The following ZNF707 variants were observed in gnomAD, a reference collection of about 807,000 sequenced individuals.
ZNF707 encodes zinc finger protein 707.
ZNF707 carries 8 observed loss-of-function variants against 13.3 expected under a neutral mutation model. That is an observed-to-expected ratio of 0.60 (90% CI 0.35 to 1.09). The LOEUF (loss-of-function observed/expected upper bound fraction) is 1.09, where lower values mean the gene tolerates loss of function less well. Among genes scored for constraint, ZNF707 ranks in the 50% least tolerant of loss-of-function variants. The pLI is 0.02. For synonymous variants in ZNF707, 225 were observed against 205.6 expected (o/e 1.09, Z -0.81); for missense variants, 530 against 512.6 (o/e 1.03, Z -0.33).
At chr8:143,692,010 T>C in intron 5 of ZNF707, 1 of 1,442,418 alleles carries the variant, frequency 6.9e-7, no homozygotes, top group Non-Finnish European at 9.2e-7. Flanking sequence ...GCCACCCAGG[T>C]GCTGTCCGGC....
chr8:143,694,067 AC>A lies in ZNF707; in HGVS notation c.655del (p.Leu219CysfsTer25). ...ECGQTFRWAS[N>X]LQRHQKNHTR... ...GGCCAGACCTTCCGGTGGGCTTCAA[AC>A]CTGCAGCGCCACCAGAAGAACCACA... On this transcript the variant is annotated frameshift_variant, in exon 6 of 6. Coordinates refer to ENST00000358656, the MANE Select transcript of ZNF707 (RefSeq NM_001100598.2). LOFTEE classifies it low-confidence loss of function (END_TRUNC). The surrounding 1 kb of genome is among the most constrained non-coding windows in gnomAD (Gnocchi z 4.4). 1 of 1,607,308 alleles carries A rather than the reference AC, an allele frequency of 6.2e-7. No homozygotes were observed. The highest frequency in any genetic ancestry group is 8.5e-7 in the Non-Finnish European group (1 of 1,177,920).
At chr8:143,685,164 C>T (rs1352711769) in intron 1 of ZNF707, 1 of 152,584 alleles carries the variant, frequency 6.6e-6, no homozygotes, top group African/African-American at 2.4e-5. Context: ...GAACGCCTCC[C>T]TGTCTTCTCC....
Position 143,693,582 on chromosome 8 carries a change from A to T in ZNF707, c.257-89A>T. 1 of 1,418,290 alleles carries T rather than the reference A, an allele frequency of 7.1e-7. No homozygotes were observed. Among genetic ancestry groups the T allele is most frequent in the Non-Finnish European group, 9.3e-7 (1 of 1,076,956 alleles). The allele number at this position is 1,418,290 out of a possible 1,614,324, so 87.9% of individuals were successfully genotyped here. ...AGTGCTGGGATTACAGGCGTGAGCC[A>T]CCGCGCCCGGCCTCCTCTGGGCTTT... is the stretch of plus-strand genomic sequence containing the variant. On this transcript the variant is annotated intron_variant, in intron 5 of 5. Coordinates refer to ENST00000358656, the MANE Select transcript of ZNF707 (RefSeq NM_001100598.2). This position sits in a 1 kb window ranked among gnomAD's most constrained non-coding sequence, Gnocchi z 4.1.
chr8:143,690,205 T>C lies in ZNF707; in HGVS notation c.15+82T>C, dbSNP rs1816678176. The C allele has an allele frequency of 1.5e-5, 23 of 1,551,558 alleles. No homozygotes were observed. The South Asian group carries it at 2.3e-4, about 15-fold the overall frequency. On this transcript the variant is annotated intron_variant, in intron 3 of 5. Transcript: ENST00000358656. ...CCCCAGCACACACGCGGGGAGGGTC[T>C]GTGGCAGTGGCTTCCCAGGCACTGT... is the stretch of plus-strand genomic sequence containing the variant.
intron 1 of ZNF707, among the ~76,000 whole-genome samples, chr8:143,685,595 T>C (rs1343286558): frequency 2.0e-5 from 3 of 149,412 alleles, no homozygotes; most frequent in Admixed American, 6.7e-5. Context: ...ACCCCAGCAC[T>C]TGGGGAGGCT....
chr8:143,691,467 C>A, intron 4 of ZNF707, 133 bp from the exon 5 acceptor site: 2 of 1,103,462 alleles, frequency 1.8e-6, no homozygotes, highest in Admixed American at 2.7e-5. Flanking sequence ...GTCATCTCTG[C>A]TTTGGGGTGG....
chr8:143,691,817 G>C, intron 5 of ZNF707, 104 bp downstream of exon 5: 1 of 1,088,664 alleles, frequency 9.2e-7, no homozygotes, highest in Non-Finnish European at 1.3e-6. Flanking sequence ...TCCTTCCCAT[G>C]GGAGAGCAGA....
Position 143,690,085 on chromosome 8 carries a change from C to G in ZNF707, c.-24C>G. 1 of 1,609,216 alleles carries G rather than the reference C, an allele frequency of 6.2e-7. No homozygotes were observed. Among genetic ancestry groups the G allele is most frequent in the Non-Finnish European group, 8.5e-7 (1 of 1,179,774 alleles). On this transcript the variant is annotated 5_prime_UTR_variant, in exon 3 of 6. Transcript: ENST00000358656. ...TGCCCTCCTTGGCACTGTGCTTCCCCAGAGGGGTGGCCTCGCTGTTCCCAT... is the reference window on the plus strand; with the variant it reads ...TGCCCTCCTTGGCACTGTGCTTCCCGAGAGGGGTGGCCTCGCTGTTCCCAT...
At position 143,691,207 on chromosome 8, in the gene ZNF707, C is replaced by T. The variant is rs552086070; in HGVS notation, c.142+8C>T. ...GCAGTGTGGCTGCTCTGGGTGAGCA[C>T]GGGCTGAGCGCAGCGTGAGCACAGG... On this transcript the variant is annotated splice_region_variant and intron_variant, in intron 4 of 5. Coordinates refer to ENST00000358656, the MANE Select transcript of ZNF707 (RefSeq NM_001100598.2). 3.4e-5 allele frequency: 54 copies of T among 1,607,922 alleles called. No homozygotes were observed. The East Asian group carries it at 5.1e-4, about 15-fold the overall frequency.
Position 143,694,795 on chromosome 8 carries a change from G to C in ZNF707, c.*265G>C. ...GCGCCGGGCATCCTGGGGATGTGCT[G>C]AGAGTGTGCGCGACCCCGGAGCCAC... On this transcript the variant is annotated 3_prime_UTR_variant, in exon 6 of 6. Transcript: ENST00000358656. This position sits in a 1 kb window ranked among gnomAD's most constrained non-coding sequence, Gnocchi z 4.4. The C allele has an allele frequency of 4.4e-6, 2 of 455,758 alleles. 1 individual carries two copies. The highest frequency in any genetic ancestry group is 8.8e-5 in the South Asian group (2 of 22,616). 28.2% of individuals were successfully genotyped at this position (455,758 alleles called of 1,614,324 possible). A position where few individuals can be genotyped will look rare whatever the true frequency, so the allele number is the denominator to read the frequency against.
In ZNF707 at chr8:143,691,612, C is replaced by G; in HGVS notation, c.155C>G (p.Pro52Arg). ...CTCCTTTGAGAAGGATTTTGCAGCC[C>G]CAGACCAGACCTCGTCTCTCGCCTG... ...SSVAALGFCS[P>R]RPDLVSRLEQ... is the part of the protein sequence containing the mutation. The change falls in exon 5 of 6, where the codon CCC (proline) becomes CGC (arginine). Residue 52 changes from proline (P) to arginine (R), a missense_variant. Transcript: ENST00000358656. 6.2e-7 allele frequency: 1 copy of G among 1,607,602 alleles called. No individual in the cohort carries two copies. Among genetic ancestry groups the G allele is most frequent in the South Asian group, 1.1e-5 (1 of 89,258 alleles).
chr8:143,690,867 C>T, intron 3 of ZNF707: 1 of 672,664 alleles, frequency 1.5e-6, no homozygotes, highest in Non-Finnish European at 2.4e-6. Flanking sequence ...CCCCTCCCTT[C>T]TGACCTCACT....
rs782599386 is a variant in ZNF707, at chr8:143,693,982, C to T, written c.568C>T (p.Arg190Trp). The change falls in exon 6 of 6, where the codon CGG (arginine) becomes TGG (tryptophan). Residue 190 changes from arginine to tryptophan, a missense_variant. Arg to Trp is a moderately radical substitution (Grantham distance 101). Coordinates refer to ENST00000358656, the MANE Select transcript of ZNF707 (RefSeq NM_001100598.2). The surrounding 1 kb of genome is among the most constrained non-coding windows in gnomAD (Gnocchi z 4.1). ...TCGKALSCHSRLLAHQTVHTG... is the reference protein window; with the variant it reads ...TCGKALSCHSWLLAHQTVHTG... ...CGGGAAGGCGCTCAGCTGCCACAGC[C>T]GGCTGCTCGCTCACCAGACGGTGCA... is the stretch of plus-strand genomic sequence containing the variant. The T allele has an allele frequency of 1.2e-6, 2 of 1,602,108 alleles. No homozygotes were observed. The highest frequency in any genetic ancestry group is 1.7e-5 in the Admixed American group (1 of 58,722).
rs1271220303 is a variant in ZNF707 at position 143,694,604 on chromosome 8, G to C, written c.*74G>C. 4.1e-5 allele frequency: 60 copies of C among 1,446,174 alleles called. No individual in the cohort carries two copies. The highest frequency in any genetic ancestry group is 5.1e-5 in the Non-Finnish European group (56 of 1,091,288). The allele number at this position is 1,446,174 out of a possible 1,614,324, so 89.6% of individuals were successfully genotyped here. A position where few individuals can be genotyped will look rare whatever the true frequency, so the allele number is the denominator to read the frequency against. ...TGAGGGAGAGCTGCAGTGAGAAGTT[G>C]CTCTTCAGCCTGGAAAATCAACCTG... On this transcript the variant is annotated 3_prime_UTR_variant, in exon 6 of 6. Transcript: ENST00000358656. The surrounding 1 kb of genome is among the most constrained non-coding windows in gnomAD (Gnocchi z 4.4).
At chr8:143,686,190 C>T (rs550561701) in intron 1 of ZNF707, among the ~76,000 whole-genome samples, 5 of 152,176 alleles carry the variant, frequency 3.3e-5, no homozygotes, top group South Asian at 2.1e-4. Context: ...CTCCGCCTCC[C>T]GGGTTCAAGC....
At position 143,694,611 on chromosome 8, in the gene ZNF707, A is replaced by G; in HGVS notation, c.*81A>G. 1.4e-6 allele frequency: 2 copies of G among 1,421,196 alleles called. No individual in the cohort carries two copies. Among genetic ancestry groups the G allele is most frequent in the East Asian group, 2.4e-5 (1 of 41,272 alleles). 88.0% of individuals were successfully genotyped at this position (1,421,196 alleles called of 1,614,324 possible). A position where few individuals can be genotyped will look rare whatever the true frequency, so the allele number is the denominator to read the frequency against. On this transcript the variant is annotated 3_prime_UTR_variant, in exon 6 of 6. Transcript: ENST00000358656. The surrounding 1 kb of genome is among the most constrained non-coding windows in gnomAD (Gnocchi z 4.4). ...GAGCTGCAGTGAGAAGTTGCTCTTC[A>G]GCCTGGAAAATCAACCTGAATTCAG...
rs782794923 is a variant in ZNF707 at position 143,693,969 on chromosome 8, C to T, written c.555C>T (p.Leu185=). 1 of 1,599,384 alleles carries T rather than the reference C, an allele frequency of 6.3e-7. No individual in the cohort carries two copies. Among genetic ancestry groups the T allele is most frequent in the South Asian group, 1.1e-5 (1 of 89,664 alleles). ...TCTGCGGCACGTGCGGGAAGGCGCTCAGCTGCCACAGCCGGCTGCTCGCTC... is the reference window on the plus strand; with the variant it reads ...TCTGCGGCACGTGCGGGAAGGCGCTTAGCTGCCACAGCCGGCTGCTCGCTC... ...SFICGTCGKA[L]SCHSRLLAHQ... is the part of the protein sequence containing the mutation. The change falls in exon 6 of 6, where the codon CTC becomes CTT. Residue 185 remains leucine (L), a synonymous_variant. Coordinates refer to ENST00000358656, the MANE Select transcript of ZNF707 (RefSeq NM_001100598.2). The surrounding 1 kb of genome is among the most constrained non-coding windows in gnomAD (Gnocchi z 4.1).
chr8:143,694,142 T>G lies in ZNF707; in HGVS notation c.728T>G (p.Leu243Arg). Residue 243 changes from leucine to arginine, a missense_variant, in exon 6 of 6, where the codon CTG becomes CGG. Leu to Arg is a moderately radical substitution (Grantham distance 102). Coordinates refer to ENST00000358656, the MANE Select transcript of ZNF707 (RefSeq NM_001100598.2). This position sits in a 1 kb window ranked among gnomAD's most constrained non-coding sequence, Gnocchi z 4.4. ...GAGGCCTGCGGGCAGGCGTTCAGCCTGAAGGACCGCCTGGCTCAGCACCGC... is the reference window on the plus strand; with the variant it reads ...GAGGCCTGCGGGCAGGCGTTCAGCCGGAAGGACCGCCTGGCTCAGCACCGC... ...CCEACGQAFS[L>R]KDRLAQHRKV... 6.3e-7 allele frequency: 1 copy of G among 1,592,164 alleles called. No individual in the cohort carries two copies. The highest frequency in any genetic ancestry group is 8.6e-7 in the Non-Finnish European group (1 of 1,169,126).
chr8:143,685,385 G>GTGGT lies in ZNF707; in HGVS notation c.-151+844_-151+847dup, dbSNP rs1326881371. Among the ~76,000 whole-genome samples, 5 of 152,244 alleles carry GTGGT rather than the reference G, an allele frequency of 3.3e-5. No individual in the cohort carries two copies. In the East Asian group the frequency reaches 7.7e-4, roughly 24 times the overall value. ...CAAAAAATACAAAAATTAGCCGGGT[G>GTGGT]TGGTGGTGCACGCCTGTAATCCCAG... On this transcript the variant is annotated intron_variant, in intron 1 of 5. Coordinates refer to ENST00000358656, the MANE Select transcript of ZNF707 (RefSeq NM_001100598.2).
Sources: allele counts gnomAD v4.1 joint callset (sites outside exome capture counted in the v4.1 genomes callset), GRCh38; gene constraint gnomAD v4.1.1; non-coding constraint Gnocchi (gnomAD v3.1); transcripts MANE v1.5; gene names NCBI Gene and HGNC (gene_info 2026-07-23, HGNC 2026-07-21).